PRKCH: variants seen among roughly 807,000 people sequenced by gnomAD.
PRKCH encodes the protein protein kinase C eta type.
A neutral mutation model predicts 82.5 loss-of-function variants in PRKCH; 28 were observed. The ratio of observed to expected loss-of-function variants is 0.34; its 90% CI spans 0.25 to 0.47. The LOEUF is 0.47. PRKCH is among the 20% of genes least tolerant of loss of function. The probability of loss-of-function intolerance (pLI) is 1.00; values close to 1 mark genes in which losing one functional copy is unlikely to be tolerated. For missense variants in PRKCH, 705 were observed against 881.8 expected (o/e 0.80, Z 2.54); for synonymous variants, 322 against 327.4 (o/e 0.98, Z 0.18).
intron 10 of PRKCH, among the ~76,000 whole-genome samples, chr14:61,503,613 C>T (rs529213741): frequency 3.1e-4 from 47 of 152,210 alleles, no homozygotes; most frequent in African/African-American, 9.2e-4. Flanking sequence ...CAGCATTTCT[C>T]GGCATTTCAG....
chr14:61,339,271 C>A (rs2045898440), intron 1 of PRKCH, among the ~76,000 whole-genome samples: 2 of 151,914 alleles, frequency 1.3e-5, no homozygotes, highest in African/African-American at 2.4e-5. Flanking sequence ...CCAGGCCTTC[C>A]CTTCTGTGTT....
At chr14:61,524,057 C>T (rs989612998) in intron 10 of PRKCH, among the ~76,000 whole-genome samples, 1 of 152,200 alleles carries the variant, frequency 6.6e-6, no homozygotes, top group African/African-American at 2.4e-5. Context: ...AAAAATAGTT[C>T]ATATAAATAG....
intron 10 of PRKCH, 96 bp downstream of exon 10, chr14:61,485,752 CT>C: frequency 1.4e-6 from 2 of 1,418,766 alleles, no homozygotes; most frequent in Non-Finnish European, 1.9e-6. Flanking sequence ...CAGTTGAAAC[CT>C]TTTTTGGAAT....
intron 1 of PRKCH, among the ~76,000 whole-genome samples, chr14:61,331,163 AC>A (rs1362094718): frequency 6.6e-6 from 1 of 152,154 alleles, no homozygotes; most frequent in African/African-American, 2.4e-5. Context: ...AGATATACTT[AC>A]TTAGATTTAT....
chr14:61,424,864 A>G (rs1883030601), intron 2 of PRKCH, among the ~76,000 whole-genome samples: 1 of 152,238 alleles, frequency 6.6e-6, no homozygotes, highest in Non-Finnish European at 1.5e-5. Context: ...TGTGCAGCCT[A>G]GGACTTAGTA....
chr14:61,209,624 C>A (rs905663451), intron 1 of PRKCH, among the ~76,000 whole-genome samples: 1 of 152,052 alleles, frequency 6.6e-6, no homozygotes, highest in African/African-American at 2.4e-5. Context: ...TCATATGATC[C>A]AACAGTTTCC....
At chr14:61,229,253 C>T (rs1282700462) in intron 1 of PRKCH, among the ~76,000 whole-genome samples, 1 of 152,126 alleles carries the variant, frequency 6.6e-6, no homozygotes, top group Non-Finnish European at 1.5e-5. Context: ...TATTGATATA[C>T]AAGGCAGTGT....
chr14:61,284,533 A>G (rs553887463), intron 1 of PRKCH, among the ~76,000 whole-genome samples: 1 of 152,314 alleles, frequency 6.6e-6, no homozygotes, highest in South Asian at 2.1e-4. Flanking sequence ...TGTATACACT[A>G]TATTTCCCCT....
At position 61,529,219 on chromosome 14, in the gene PRKCH, T is replaced by A. The variant is rs776294537; in HGVS notation, c.1572+6T>A. 2.5e-6 allele frequency: 4 copies of A among 1,604,292 alleles called. No homozygotes were observed. Among genetic ancestry groups the A allele is most frequent in the Non-Finnish European group, 3.4e-6 (4 of 1,175,066 alleles). On this transcript the variant is annotated splice_donor_region_variant and intron_variant, in intron 11 of 13. Transcript: ENST00000332981. ...CAGACTATATCGCTCCAGAGGTGAG[T>A]GCAGCTGCTTGATGCAGCTCTGAAA...
At chr14:61,229,792 T>C (rs949023919) in intron 1 of PRKCH, among the ~76,000 whole-genome samples, 2 of 152,164 alleles carry the variant, frequency 1.3e-5, no homozygotes, top group South Asian at 2.1e-4. Flanking sequence ...CTCTATTCCT[T>C]CTTCCAGGGG....
chr14:61,383,511 C>CG (rs953419176), intron 1 of PRKCH, among the ~76,000 whole-genome samples: 1 of 151,878 alleles, frequency 6.6e-6, no homozygotes, highest in African/African-American at 2.4e-5. Flanking sequence ...ATTTTGAGAC[C>CG]GGAGGGATCA....
At chr14:61,409,198 A>G (rs531939080) in intron 2 of PRKCH, among the ~76,000 whole-genome samples, 53 of 152,282 alleles carry the variant, frequency 3.5e-4, no homozygotes, top group Non-Finnish European at 6.3e-4. Context: ...AGCCCTGTTC[A>G]TGGGCATGCA....
intron 1 of PRKCH, among the ~76,000 whole-genome samples, chr14:61,372,700 G>C (rs2046378031): frequency 6.6e-6 from 1 of 151,994 alleles, no homozygotes; most frequent in Non-Finnish European, 1.5e-5. Context: ...ACTTCTTTCA[G>C]TGAGGTTATT....
chr14:61,290,546 A>T (rs1207229965), intron 1 of PRKCH, among the ~76,000 whole-genome samples: 2 of 152,128 alleles, frequency 1.3e-5, no homozygotes, highest in Non-Finnish European at 2.9e-5. Context: ...GATAGGTTAG[A>T]GGACCTAGCA....
At chr14:61,434,353 T>G (rs1236429861) in intron 2 of PRKCH, among the ~76,000 whole-genome samples, 2 of 152,210 alleles carry the variant, frequency 1.3e-5, no homozygotes, top group Non-Finnish European at 2.9e-5. Context: ...GAAACATTTT[T>G]CTTCATCATC....
At chr14:61,547,979 G>A in intron 13 of PRKCH, 93 bp downstream of exon 13, 1 of 1,508,798 alleles carries the variant, frequency 6.6e-7, no homozygotes, top group Non-Finnish European at 9.0e-7. Context: ...GCCCCTGTGG[G>A]TGACAGACCA....
intron 1 of PRKCH, among the ~76,000 whole-genome samples, chr14:61,284,189 G>T (rs1374335394): frequency 6.6e-6 from 1 of 152,240 alleles, no homozygotes; most frequent in African/African-American, 2.4e-5. Flanking sequence ...GCAGAATGCA[G>T]CTGGGTATTG....
chr14:61,273,829 A>C (rs530627162), intron 1 of PRKCH, among the ~76,000 whole-genome samples: 1 of 152,206 alleles, frequency 6.6e-6, no homozygotes, highest in Non-Finnish European at 1.5e-5. Context: ...TATGCATTCA[A>C]CTATCTTGTA....
chr14:61,246,886 C>T (rs2044889091), intron 1 of PRKCH, among the ~76,000 whole-genome samples: 1 of 152,158 alleles, frequency 6.6e-6, no homozygotes, highest in Non-Finnish European at 1.5e-5. Context: ...CTGTGTCCGG[C>T]CATGTCAGCA....
Sources: allele counts gnomAD v4.1 joint callset (sites outside exome capture counted in the v4.1 genomes callset), GRCh38; gene constraint gnomAD v4.1.1; transcripts MANE v1.5; gene names NCBI Gene and HGNC (gene_info 2026-07-23, HGNC 2026-07-21).